The following ERICH1 variants were observed in gnomAD, a reference collection of about 807,000 sequenced individuals.
ERICH1 encodes the protein glutamate-rich protein 1.
In ERICH1, 56 loss-of-function variants were observed where a neutral mutation model predicts 39.6. The observed-to-expected ratio is 1.41, with a 90% CI of 1.14 to 1.77. The LOEUF (loss-of-function observed/expected upper bound fraction) is 1.77, where lower values mean the gene tolerates loss of function less well. Among genes scored for constraint, ERICH1 ranks in the 40% most tolerant of loss-of-function variants. The probability of loss-of-function intolerance (pLI) is 0.00; values close to 1 mark genes in which losing one functional copy is unlikely to be tolerated. For synonymous variants in ERICH1, 313 were observed against 223.6 expected (o/e 1.40, Z -3.57); for missense variants, 826 against 575.4 (o/e 1.44, Z -4.45).
At position 621,373 on chromosome 8, in the gene ERICH1, C is replaced by G. The variant is rs74439837; in HGVS notation, c.977-6089G>C. ...AAGACACTAGAAAAATTTCTCACAA[C>G]AAAAGATAAGTGTGTGATGTGATGG... is the stretch of plus-strand genomic sequence containing the variant. On this transcript the variant is annotated intron_variant, in intron 3 of 3. Transcript: ENST00000522706. Among the ~76,000 whole-genome samples, 4 of 152,126 alleles carry G rather than the reference C, an allele frequency of 2.6e-5. No homozygotes were observed. In the East Asian group the frequency reaches 7.7e-4, roughly 29 times the overall value.
Position 699,516 on chromosome 8 carries a change from C to G in ERICH1, c.170-6904G>C, listed in dbSNP as rs576674326. Among the ~76,000 whole-genome samples the G allele has an allele frequency of 1.8e-4, 27 of 152,304 alleles. 1 individual carries two copies. In the South Asian group the frequency reaches 5.6e-3, roughly 32 times the overall value. ...TCTCCGCTGGGCGCCGCACCCAGAC[C>G]CTCCCCACCCCTCAGGGTGACGGCG... On this transcript the variant is annotated intron_variant, in intron 2 of 5. Coordinates refer to ENST00000262109, the MANE Select transcript of ERICH1 (RefSeq NM_207332.3).
chr8:705,358 C>T (rs572314717), intron 2 of ERICH1, among the ~76,000 whole-genome samples: 9 of 152,318 alleles, frequency 5.9e-5, no homozygotes, highest in African/African-American at 1.7e-4. Context: ...ACGGTTCTTA[C>T]GTTTTTTATT....
chr8:723,557 A>G (rs553744155), intron 1 of ERICH1, among the ~76,000 whole-genome samples: 642 of 152,328 alleles, frequency 4.2e-3, no homozygotes, highest in Non-Finnish European at 5.5e-3. Context: ...AACACACACA[A>G]ACCACATTAT....
intron 4 of ERICH1, 129 bp downstream of exon 4, chr8:673,160 C>G (rs1178382489): frequency 8.9e-6 from 10 of 1,124,424 alleles, no homozygotes; most frequent in Non-Finnish European, 1.1e-5. Context: ...ATATTAGTTG[C>G]CTTACAACTA....
intron 3 of ERICH1, among the ~76,000 whole-genome samples, chr8:686,126 G>C (rs1375809359): frequency 6.6e-6 from 1 of 152,132 alleles, no homozygotes; most frequent in African/African-American, 2.4e-5. Flanking sequence ...CTGCACTCCA[G>C]CTGGGATGAC....
chr8:643,775 C>T (rs183927859), intron 3 of ERICH1, among the ~76,000 whole-genome samples: 29 of 152,236 alleles, frequency 1.9e-4, no homozygotes, highest in African/African-American at 7.0e-4. Flanking sequence ...AGGTTGTAGG[C>T]GCAACTTCCT....
At chr8:705,284 G>C (rs947528960) in intron 2 of ERICH1, among the ~76,000 whole-genome samples, 7 of 152,244 alleles carry the variant, frequency 4.6e-5, no homozygotes, top group African/African-American at 1.7e-4. Flanking sequence ...CTGATATCCA[G>C]CAGGACTCCT....
chr8:705,078 C>T (rs1217952289), intron 2 of ERICH1, among the ~76,000 whole-genome samples: 1 of 152,254 alleles, frequency 6.6e-6, no homozygotes, highest in African/African-American at 2.4e-5. Context: ...ATTATCAACA[C>T]TCTTCTAGAA....
chr8:728,366 C>T (rs1819278677), intron 1 of ERICH1, among the ~76,000 whole-genome samples: 1 of 152,216 alleles, frequency 6.6e-6, no homozygotes, highest in African/African-American at 2.4e-5. Context: ...GGCAGCAAGG[C>T]TCAACCTGGT....
chr8:640,298 C>A (rs1400546803), intron 3 of ERICH1, among the ~76,000 whole-genome samples: 2 of 152,240 alleles, frequency 1.3e-5, no homozygotes, highest in Non-Finnish European at 2.9e-5. Context: ...CCCAATTCCT[C>A]TCTGGAGCTG....
intron 3 of ERICH1, among the ~76,000 whole-genome samples, chr8:633,858 C>T (rs753441036): frequency 1.8e-4 from 27 of 152,186 alleles, no homozygotes; most frequent in Non-Finnish European, 3.8e-4. Context: ...GAAATTGGCC[C>T]CTACTTTACA....
At chr8:624,248 T>C (rs1466890456) in intron 3 of ERICH1, among the ~76,000 whole-genome samples, 1 of 151,778 alleles carries the variant, frequency 6.6e-6, no homozygotes, top group African/African-American at 2.4e-5. Context: ...GATGTAAAGA[T>C]TGGAGAGGAT....
At chr8:724,448 T>C (rs1356374495) in intron 1 of ERICH1, among the ~76,000 whole-genome samples, 1 of 152,214 alleles carries the variant, frequency 6.6e-6, no homozygotes, top group African/African-American at 2.4e-5. Flanking sequence ...TGCAATAGTT[T>C]TCATTAAGCA....
chr8:623,459 GAATA>G (rs1797410803), intron 3 of ERICH1, among the ~76,000 whole-genome samples: 1 of 152,154 alleles, frequency 6.6e-6, no homozygotes, highest in African/African-American at 2.4e-5. Context: ...AAAAGGGAAA[GAATA>G]GTCTTCTATT....
chr8:731,042 T>C (rs1585787503), intron 1 of ERICH1, 98 bp downstream of exon 1: 5 of 1,301,008 alleles, frequency 3.8e-6, no homozygotes, highest in Admixed American at 3.8e-5. Flanking sequence ...GGGTGGGGCC[T>C]GGAAAGGGGC....
intron 3 of ERICH1, among the ~76,000 whole-genome samples, chr8:641,949 G>A (rs773577982): frequency 6.6e-6 from 1 of 152,200 alleles, no homozygotes; most frequent in Non-Finnish European, 1.5e-5. Context: ...TTTCCGAGGA[G>A]GCATCTATTA....
chr8:623,814 G>C (rs1243851360), intron 3 of ERICH1, among the ~76,000 whole-genome samples: 2 of 152,144 alleles, frequency 1.3e-5, no homozygotes, highest in Admixed American at 1.3e-4. Flanking sequence ...AGAAAACACA[G>C]GTATAAGTCT....
intron 3 of ERICH1, 94 bp downstream of exon 3, chr8:692,384 A>G (rs1809096111): frequency 6.4e-7 from 1 of 1,551,094 alleles, no homozygotes; most frequent in Non-Finnish European, 8.8e-7. Context: ...CCCCCCAAGT[A>G]TGAATTTAGA....
At chr8:706,516 G>C (rs1238817551) in intron 2 of ERICH1, among the ~76,000 whole-genome samples, 1 of 152,222 alleles carries the variant, frequency 6.6e-6, no homozygotes, top group African/African-American at 2.4e-5. Context: ...GCTCACGCCT[G>C]TAATCCCAGC....
Sources: gnomAD v4.1 joint callset for allele counts (sites outside exome capture counted in the v4.1 genomes callset) on GRCh38, gnomAD v4.1.1 for gene constraint, MANE v1.5 for transcripts, NCBI Gene and HGNC (gene_info 2026-07-23, HGNC 2026-07-21) for gene names.